Variants in MYH10 observed in about 807,000 individuals in gnomAD.
MYH10 encodes the protein myosin-10.
Under a neutral mutation model 257.8 loss-of-function variants are expected in MYH10, and 55 were observed. The ratio of observed to expected loss-of-function variants is 0.21; its 90% CI spans 0.17 to 0.27. The LOEUF is 0.27. MYH10 is among the 10% of genes least tolerant of loss of function. The probability of loss-of-function intolerance (pLI) is 1.00; values close to 1 mark genes in which losing one functional copy is unlikely to be tolerated. For synonymous variants in MYH10, 854 were observed against 921.7 expected (o/e 0.93, Z 1.33); for missense variants, 1,631 against 2,500.6 (o/e 0.65, Z 7.42).
intron 21 of MYH10, among the ~76,000 whole-genome samples, chr17:8,518,149 T>TGTGTGTG (rs1555583009): frequency 2.5e-4 from 20 of 81,310 alleles, no homozygotes; most frequent in East Asian, 7.4e-4. Context: ...GTGTGTGTGT[T>TGTGTGTG]TGAGATAGGG....
intron 4 of MYH10, among the ~76,000 whole-genome samples, chr17:8,588,684 C>A (rs1448771686): frequency 6.6e-6 from 1 of 152,208 alleles, no homozygotes; most frequent in Non-Finnish European, 1.5e-5. Flanking sequence ...TTCTAATGTG[C>A]AAATCTAATT....
Position 8,506,329 on chromosome 17 carries a change from G to A in MYH10, c.3375C>T (p.Gly1125=), listed in dbSNP as rs757031791. 22 of 1,599,344 alleles carry A rather than the reference G, an allele frequency of 1.4e-5. No homozygotes were observed. The highest frequency in any genetic ancestry group is 2.2e-5 in the East Asian group (1 of 44,470). Residue 1125 remains glycine, a synonymous_variant, in exon 27 of 43, where the codon GGC becomes GGT. Transcript: ENST00000360416. The surrounding 1 kb of genome is among the most constrained non-coding windows in gnomAD (Gnocchi z 5.0). ...QLAKKEEELQ[G]ALARGDDETL... is the part of the protein sequence containing the mutation. ...GCTGGGCTGCAGACCTGGCCAGTGC[G>A]CCCTGCAGCTCCTCCTCCTTCTTGG...
At chr17:8,591,367 G>A (rs957100519) in intron 3 of MYH10, among the ~76,000 whole-genome samples, 1 of 152,174 alleles carries the variant, frequency 6.6e-6, no homozygotes, top group East Asian at 1.9e-4. Context: ...GTGGGCACTG[G>A]CAAGATAATG....
chr17:8,529,401 A>G (rs1597746445), intron 17 of MYH10, among the ~76,000 whole-genome samples: 1 of 152,206 alleles, frequency 6.6e-6, no homozygotes, highest in African/African-American at 2.4e-5. Context: ...TAAAGAGGGC[A>G]CTCACTTTAG....
Position 8,545,927 on chromosome 17 carries a change from C to T in MYH10, c.1279-327G>A, listed in dbSNP as rs939501211. On this transcript the variant is annotated intron_variant, in intron 12 of 42. Coordinates refer to ENST00000360416, the MANE Select transcript of MYH10 (RefSeq NM_001256012.3). The surrounding 1 kb of genome is among the most constrained non-coding windows in gnomAD (Gnocchi z 4.7). Reference sequence around the variant, plus strand: ...TCTGCTGTACCACCCAGCACAAGGACAAGGCGGCAGGGGCCCTTGTGTTGG... The same window carrying T: ...TCTGCTGTACCACCCAGCACAAGGATAAGGCGGCAGGGGCCCTTGTGTTGG... Among the ~76,000 whole-genome samples the T allele has an allele frequency of 1.3e-5, 2 of 152,250 alleles. No homozygotes were observed. Among genetic ancestry groups the T allele is most frequent in the Admixed American group, 1.3e-4 (2 of 15,300 alleles).
chr17:8,506,354 G>C lies in MYH10; in HGVS notation c.3350C>G (p.Ala1117Gly). Residue 1117 changes from alanine to glycine, a missense_variant, in exon 27 of 43, where the codon GCC becomes GGC. Ala to Gly is a moderately conservative substitution (Grantham distance 60, BLOSUM62 0). Coordinates refer to ENST00000360416, the MANE Select transcript of MYH10 (RefSeq NM_001256012.3). This position sits in a 1 kb window ranked among gnomAD's most constrained non-coding sequence, Gnocchi z 5.0. ...AQIDELKLQL[A>G]KKEEELQGAL... ...GCCCTGCAGCTCCTCCTCCTTCTTG[G>C]CCAGCTGCAGCTTGAGCTCATCAAT... The C allele has an allele frequency of 6.2e-7, 1 of 1,606,172 alleles. No homozygotes were observed. The highest frequency in any genetic ancestry group is 1.1e-5 in the South Asian group (1 of 89,582).
chr17:8,542,375 C>A (rs2082313087), intron 13 of MYH10, 95 bp from the exon 14 acceptor site: 1 of 1,068,984 alleles, frequency 9.4e-7, no homozygotes, highest in South Asian at 1.6e-5. Flanking sequence ...TTTCATTAAA[C>A]ATTACTAATT....
intron 7 of MYH10, among the ~76,000 whole-genome samples, chr17:8,556,855 A>C (rs2082820449): frequency 6.6e-6 from 1 of 152,220 alleles, no homozygotes; most frequent in Admixed American, 6.5e-5. Flanking sequence ...TGTTTTAGAC[A>C]GATGAGCATG....
At chr17:8,493,593 G>A in intron 32 of MYH10, 140 bp downstream of exon 32, 1 of 1,038,494 alleles carries the variant, frequency 9.6e-7, no homozygotes, top group Non-Finnish European at 1.3e-6. Context: ...GCTGGGTCAA[G>A]AAAAACCATT....
rs191487908 is a variant in MYH10 at position 8,554,200 on chromosome 17, C to G, written c.757-182G>C. On this transcript the variant is annotated intron_variant, in intron 7 of 42. Coordinates refer to ENST00000360416, the MANE Select transcript of MYH10 (RefSeq NM_001256012.3). ...GTGATACATTTCAAAAAAGTAGCAACAGAATAGGCTATTTTCCTGGACTAT... is the reference window on the plus strand; with the variant it reads ...GTGATACATTTCAAAAAAGTAGCAAGAGAATAGGCTATTTTCCTGGACTAT... The G allele has an allele frequency of 4.4e-4, 181 of 411,590 alleles. 5 individuals carry two copies. The South Asian group carries it at 5.7e-3, about 13-fold the overall frequency. The allele number at this position is 411,590 out of a possible 1,614,324, so 25.5% of individuals were successfully genotyped here.
chr17:8,601,108 G>A (rs530884788), intron 3 of MYH10, among the ~76,000 whole-genome samples: 3 of 152,326 alleles, frequency 2.0e-5, no homozygotes, highest in Admixed American at 1.3e-4. Flanking sequence ...GCCCCTGCAG[G>A]TATTGTTACA....
intron 16 of MYH10, among the ~76,000 whole-genome samples, chr17:8,530,906 C>T (rs942497428): frequency 6.6e-6 from 1 of 152,140 alleles, no homozygotes; most frequent in Non-Finnish European, 1.5e-5. Flanking sequence ...AGCACATTCC[C>T]AACTCCCGGT....
chr17:8,481,431 T>C, intron 37 of MYH10, 21 bp from the exon 38 acceptor site: 4 of 1,609,188 alleles, frequency 2.5e-6, no homozygotes, highest in Non-Finnish European at 3.4e-6. Flanking sequence ...GAGACTGCGT[T>C]AAGCTCTGGC....
intron 14 of MYH10, among the ~76,000 whole-genome samples, chr17:8,540,306 C>T (rs1203885035): frequency 6.6e-6 from 1 of 152,082 alleles, no homozygotes; most frequent in Non-Finnish European, 1.5e-5. Flanking sequence ...TCTACCTCAC[C>T]TATTTTTGCT....
At chr17:8,478,818 C>T (rs1318328331) in intron 40 of MYH10, among the ~76,000 whole-genome samples, 2 of 152,184 alleles carry the variant, frequency 1.3e-5, no homozygotes, top group Non-Finnish European at 2.9e-5. Context: ...GCAACCTCCG[C>T]CTCCTGGGTT....
intron 17 of MYH10, among the ~76,000 whole-genome samples, chr17:8,528,755 A>G (rs2081930921): frequency 6.6e-6 from 1 of 152,144 alleles, no homozygotes; most frequent in Non-Finnish European, 1.5e-5. Context: ...AAAGTCCTAC[A>G]TTTTCGTTTT....
intron 4 of MYH10, among the ~76,000 whole-genome samples, chr17:8,585,385 G>T (rs936830926): frequency 1.3e-5 from 2 of 149,368 alleles, no homozygotes; most frequent in African/African-American, 4.9e-5. Context: ...TTTAACATGA[G>T]CATGGGGAGA....
At chr17:8,542,378 T>C in intron 13 of MYH10, 98 bp from the exon 14 acceptor site, 2 of 1,028,948 alleles carry the variant, frequency 1.9e-6, no homozygotes, top group Non-Finnish European at 2.9e-6. Flanking sequence ...CATTAAACAT[T>C]ACTAATTAGG....
chr17:8,591,486 C>G (rs576965142), intron 3 of MYH10, among the ~76,000 whole-genome samples: 2 of 152,166 alleles, frequency 1.3e-5, no homozygotes, highest in African/African-American at 2.4e-5. Context: ...GATTTTACCA[C>G]GTCTTTGCTT....
Sources: allele counts gnomAD v4.1 joint callset (sites outside exome capture counted in the v4.1 genomes callset), GRCh38; gene constraint gnomAD v4.1.1; non-coding constraint Gnocchi (gnomAD v3.1); transcripts MANE v1.5; gene names NCBI Gene and HGNC (gene_info 2026-07-23, HGNC 2026-07-21).